The following HHIPL1 variants were observed in gnomAD, a reference collection of about 807,000 sequenced individuals.
HHIPL1 encodes the protein HHIP like 1.
HHIPL1 carries 43 observed loss-of-function variants against 61.8 expected under a neutral mutation model. The observed-to-expected ratio is 0.70, with a 90% CI of 0.55 to 0.90. The LOEUF (loss-of-function observed/expected upper bound fraction) is 0.90, where lower values mean the gene tolerates loss of function less well. Among genes scored for constraint, HHIPL1 ranks in the 40% least tolerant of loss-of-function variants. The pLI, the probability that HHIPL1 is intolerant of heterozygous loss-of-function variation, is 0.00. For missense variants in HHIPL1, 1,056 were observed against 1,157.7 expected, an observed-to-expected ratio of 0.91 and a Z score of 1.28; for synonymous variants, 482 against 515.8, an observed-to-expected ratio of 0.93 and a Z score of 0.89.
chr14:99,604,894 C>T, the HHIPL1 span, among the ~76,000 whole-genome samples: 11 of 152,236 alleles, frequency 7.2e-5, no homozygotes, highest in Admixed American at 7.2e-4. Context: ...TTCCCTGCCC[C>T]CAGGCTCCTC....
intron 7 of HHIPL1, among the ~76,000 whole-genome samples, chr14:99,670,370 C>T (rs2056314520): frequency 6.6e-6 from 1 of 152,208 alleles, no homozygotes; most frequent in South Asian, 2.1e-4. Context: ...CCTCGGCCTC[C>T]CAAAGTGCTG....
chr14:99,646,348 C>A (rs2055833437), intron 1 of HHIPL1, among the ~76,000 whole-genome samples: 1 of 152,256 alleles, frequency 6.6e-6, no homozygotes, highest in Non-Finnish European at 1.5e-5. Flanking sequence ...AGGGCCGTGT[C>A]CCAGCCTTCG....
At chr14:99,616,706 T>A in the HHIPL1 span, among the ~76,000 whole-genome samples, 1 of 152,190 alleles carries the variant, frequency 6.6e-6, no homozygotes, top group East Asian at 1.9e-4. Flanking sequence ...TGAAACTCTG[T>A]GCATGTGTTT....
intron 6 of HHIPL1, among the ~76,000 whole-genome samples, chr14:99,666,062 G>A (rs554802259): frequency 9.2e-5 from 14 of 152,286 alleles, no homozygotes; most frequent in African/African-American, 2.4e-4. Flanking sequence ...GATTACAGGC[G>A]TCAGCCACCA....
chr14:99,652,537 C>T lies in HHIPL1; in HGVS notation c.569C>T (p.Ala190Val). The change falls in exon 2 of 9, where the codon GCC becomes GTC. Residue 190 changes from alanine (A) to valine (V), a missense_variant. Transcript: ENST00000330710. ...CTGCAGCTGTGCCTGGAGGAGGTGG[C>T]CAACGGGCTGCGCAACCCCGTGGCC... Reference protein sequence around the residue: ...GCLQLCLEEVANGLRNPVAMV... With the variant: ...GCLQLCLEEVVNGLRNPVAMV... 1.2e-6 allele frequency: 2 copies of T among 1,613,206 alleles called. No individual in the cohort carries two copies. Among genetic ancestry groups the T allele is most frequent in the Non-Finnish European group, 1.7e-6 (2 of 1,180,004 alleles).
At chr14:99,647,626 G>A (rs1037101641) in intron 1 of HHIPL1, among the ~76,000 whole-genome samples, 2 of 152,224 alleles carry the variant, frequency 1.3e-5, no homozygotes, top group Non-Finnish European at 2.9e-5. Context: ...AGAGACGGCG[G>A]CTGAGGCTGG....
At chr14:99,631,177 A>G in the HHIPL1 span, among the ~76,000 whole-genome samples, 1 of 147,544 alleles carries the variant, frequency 6.8e-6, no homozygotes, top group Non-Finnish European at 1.5e-5. Flanking sequence ...GAGTGCAGTC[A>G]ACCTCTGCCT....
intron 2 of HHIPL1, among the ~76,000 whole-genome samples, chr14:99,654,390 C>T (rs1007008162): frequency 1.3e-5 from 2 of 151,986 alleles, no homozygotes; most frequent in African/African-American, 2.4e-5. Flanking sequence ...GAGGTGGAGC[C>T]GAGAGAAGGA....
At chr14:99,619,506 G>A in the HHIPL1 span, among the ~76,000 whole-genome samples, 1 of 151,308 alleles carries the variant, frequency 6.6e-6, no homozygotes, top group African/African-American at 2.4e-5. Context: ...ATGCATCCTT[G>A]AAGCTGCAAT....
At position 99,668,926 on chromosome 14, in the gene HHIPL1, T is replaced by C. The variant is rs765869676; in HGVS notation, c.1730+623T>C. On this transcript the variant is annotated intron_variant, in intron 7 of 8. Transcript: ENST00000330710. This position sits in a 1 kb window ranked among gnomAD's most constrained non-coding sequence, Gnocchi z 4.7. ...GCCGTTCATTTTACAGTGGTGGAAA[T>C]GAGCACAAAGACACGAAGTCATGGG... The C allele has an allele frequency of 6.2e-7, 1 of 1,612,536 alleles. No individual in the cohort carries two copies. Among genetic ancestry groups the C allele is most frequent in the South Asian group, 1.1e-5 (1 of 91,024 alleles).
the HHIPL1 span, among the ~76,000 whole-genome samples, chr14:99,607,021 C>CT: frequency 0.69 from 46,394 of 67,642 alleles, 18,018 homozygotes; most frequent in South Asian, 0.8. Context: ...GTGACTTTGC[C>CT]TTTTTTTTTT....
At chr14:99,605,041 G>A in the HHIPL1 span, among the ~76,000 whole-genome samples, 1 of 152,164 alleles carries the variant, frequency 6.6e-6, no homozygotes, top group African/African-American at 2.4e-5. Flanking sequence ...CCCGCAGCGC[G>A]GTCAGTACTC....
chr14:99,651,426 G>A (rs145913079), intron 1 of HHIPL1, among the ~76,000 whole-genome samples: 126 of 152,238 alleles, frequency 8.3e-4, no homozygotes, highest in African/African-American at 2.8e-3. Context: ...AAGGGGAGGC[G>A]GCATGTCTCA....
chr14:99,646,782 AATATAATATAATATG>A (rs1399967851), intron 1 of HHIPL1, among the ~76,000 whole-genome samples: 2 of 87,140 alleles, frequency 2.3e-5, no homozygotes, highest in African/African-American at 1.4e-4. Context: ...TCAAAAATAT[AATATAATATAATATG>A]ATATGATATG....
At chr14:99,629,133 C>T in the HHIPL1 span, among the ~76,000 whole-genome samples, 4 of 152,300 alleles carry the variant, frequency 2.6e-5, no homozygotes, top group East Asian at 3.9e-4. Context: ...CCAGGCACTG[C>T]GCTGGGTGCC....
chr14:99,645,158 A>T lies in HHIPL1; in HGVS notation c.-50A>T. 8.0e-7 allele frequency: 1 copy of T among 1,246,418 alleles called. No homozygotes were observed. Among genetic ancestry groups the T allele is most frequent in the Non-Finnish European group, 1.0e-6 (1 of 995,490 alleles). 77.2% of individuals were successfully genotyped at this position (1,246,418 alleles called of 1,614,324 possible). On this transcript the variant is annotated 5_prime_UTR_variant, in exon 1 of 9. Transcript: ENST00000330710. ...TCCCTGCCGCCGCGAGCGCCCCGGG[A>T]GGGGACCGGGGCTGCCGTCCCTCCG...
chr14:99,643,619 G>A (rs1365032476), upstream of HHIPL1, among the ~76,000 whole-genome samples: 1 of 152,210 alleles, frequency 6.6e-6, no homozygotes, highest in Non-Finnish European at 1.5e-5. Context: ...CAGCTGGGAA[G>A]TAGGCGCCAT....
chr14:99,627,295 T>C, the HHIPL1 span, among the ~76,000 whole-genome samples: 2 of 151,532 alleles, frequency 1.3e-5, no homozygotes, highest in African/African-American at 4.9e-5. The surrounding 1 kb of genome is among the most constrained non-coding windows in gnomAD (Gnocchi z 4.4). Flanking sequence ...TATTCATCCA[T>C]CTACTCTTCC....
rs1240166289 is a variant in HHIPL1, at chr14:99,675,137, G to A, written c.1860G>A (p.Ala620=). 4 of 1,118,208 alleles carry A rather than the reference G, an allele frequency of 3.6e-6. No individual in the cohort carries two copies. The African/African-American group carries it at 5.1e-5, about 14-fold the overall frequency. 69.3% of individuals were successfully genotyped at this position (1,118,208 alleles called of 1,614,324 possible). The part of the protein sequence containing the change: ...TRSTPRPTAR[A]PTRAPRRGRP... ...GCACCCCGCGGCCTACAGCGCGGGC[G>A]CCCACGCGGGCGCCCCGCCGAGGGC... Residue 620 remains alanine, a synonymous_variant, in exon 9 of 9, where the codon GCG becomes GCA. Coordinates refer to ENST00000330710, the MANE Select transcript of HHIPL1 (RefSeq NM_001127258.3). The surrounding 1 kb of genome is among the most constrained non-coding windows in gnomAD (Gnocchi z 5.4).
Sources: gnomAD v4.1 joint callset for allele counts (sites outside exome capture counted in the v4.1 genomes callset) on GRCh38, gnomAD v4.1.1 for gene constraint, Gnocchi (gnomAD v3.1) non-coding constraint, MANE v1.5 for transcripts, NCBI Gene and HGNC (gene_info 2026-07-23, HGNC 2026-07-21) for gene names.